PRKRIP1: variants seen among roughly 807,000 people sequenced by gnomAD.
The protein encoded by PRKRIP1 is PRKR-interacting protein 1.
Under a neutral mutation model 29.3 loss-of-function variants are expected in PRKRIP1, and 29 were observed. The ratio of observed to expected loss-of-function variants is 0.99; its 90% confidence interval spans 0.74 to 1.35. The LOEUF is 1.35. Among genes scored for constraint, PRKRIP1 ranks in the 40% most tolerant of loss-of-function variants. The probability of loss-of-function intolerance (pLI) is 0.00; values close to 1 mark genes in which losing one functional copy is unlikely to be tolerated. For missense variants in PRKRIP1, 247 were observed against 236.8 expected (o/e 1.04, Z -0.28); for synonymous variants, 90 against 85.1 (o/e 1.06, Z -0.32).
In PRKRIP1 at chr7:102,396,408, T is replaced by C. The variant is rs782407673; in HGVS notation, c.-4T>C. On this transcript the variant is annotated 5_prime_UTR_variant, in exon 1 of 6. Transcript: ENST00000397912. ...CCGCTCGCTTGTGAAACTGGAAGGC[T>C]GCCATGGCTAGCCCAGCCGCCTCCT... 9 of 1,555,984 alleles carry C rather than the reference T, an allele frequency of 5.8e-6. No individual in the cohort carries two copies. In the Admixed American group the frequency reaches 1.8e-4, roughly 30 times the overall value.
rs1285066991 is a variant in PRKRIP1, at chr7:102,400,788, C to A, written c.306+1140C>A. ...GTAGCTGGGACTATAGGCACAACCC[C>A]CATGCCTGGCTAATTTTTTGTATTT... On this transcript the variant is annotated intron_variant, in intron 3 of 5. Coordinates refer to ENST00000397912, the MANE Select transcript of PRKRIP1 (RefSeq NM_024653.4). Among the ~76,000 whole-genome samples the A allele has an allele frequency of 7.9e-5, 12 of 152,152 alleles. 1 individual carries two copies. The Middle Eastern group carries it at 0.01, about 129-fold the overall frequency.
chr7:102,421,165 C>T (rs1796682078), intron 5 of PRKRIP1, among the ~76,000 whole-genome samples: 2 of 152,168 alleles, frequency 1.3e-5, no homozygotes, highest in African/African-American at 4.8e-5. Flanking sequence ...CCCAGAGAGC[C>T]AAGAATGACT....
At chr7:102,418,046 CTTCTT>C (rs1563622476) in intron 5 of PRKRIP1, among the ~76,000 whole-genome samples, 3 of 20,226 alleles carry the variant, frequency 1.5e-4, no homozygotes, top group East Asian at 2.5e-3. Flanking sequence ...TCTTCTTCTT[CTTCTT>C]TTTTTTTTTT....
intron 2 of PRKRIP1, among the ~76,000 whole-genome samples, chr7:102,398,423 T>C (rs1554570733): frequency 6.6e-6 from 1 of 152,056 alleles, no homozygotes; most frequent in African/African-American, 2.4e-5. Context: ...TAGCTAGGAC[T>C]ACAGGCCCGT....
intron 5 of PRKRIP1, among the ~76,000 whole-genome samples, chr7:102,409,271 T>A (rs1796311172): frequency 6.6e-6 from 1 of 152,176 alleles, no homozygotes. Context: ...TGGTTTTAGG[T>A]TGTTTCTCAC....
intron 2 of PRKRIP1, among the ~76,000 whole-genome samples, chr7:102,398,532 G>A (rs1186964810): frequency 6.6e-6 from 1 of 152,034 alleles, no homozygotes; most frequent in Non-Finnish European, 1.5e-5. Flanking sequence ...TGATCCGCCC[G>A]CCTCAGCCTC....
chr7:102,418,186 A>G (rs782612646), intron 5 of PRKRIP1, among the ~76,000 whole-genome samples: 2 of 151,472 alleles, frequency 1.3e-5, no homozygotes, highest in Non-Finnish European at 2.9e-5. Flanking sequence ...AGTAGCTGGG[A>G]TTATAGGCAC....
chr7:102,425,242 C>G lies in PRKRIP1; in HGVS notation c.*131C>G. The G allele has an allele frequency of 6.6e-7, 1 of 1,512,846 alleles. No individual in the cohort carries two copies. Among genetic ancestry groups the G allele is most frequent in the Non-Finnish European group, 8.8e-7 (1 of 1,135,236 alleles). The allele number at this position is 1,512,846 out of a possible 1,614,324, so 93.7% of individuals were successfully genotyped here. A position where few individuals can be genotyped will look rare whatever the true frequency, so the allele number is the denominator to read the frequency against. The stretch of plus-strand genomic sequence containing the variant: ...GATGGAGAGCAAAGGAGACCCCTCC[C>G]GAGCCGCTCACAGTCCTGTATTTGG... On this transcript the variant is annotated 3_prime_UTR_variant, in exon 6 of 6. Coordinates refer to ENST00000397912, the MANE Select transcript of PRKRIP1 (RefSeq NM_024653.4).
At chr7:102,410,710 T>C (rs1394602853) in intron 5 of PRKRIP1, among the ~76,000 whole-genome samples, 1 of 152,126 alleles carries the variant, frequency 6.6e-6, no homozygotes, top group Non-Finnish European at 1.5e-5. Context: ...TTTTTAGGAT[T>C]TTTGCCAGTG....
Position 102,398,265 on chromosome 7 carries a change from T to G in PRKRIP1, c.205+567T>G, listed in dbSNP as rs572504328. ...AGAATTTTCTCCTGCAGTATTGCGG[T>G]TTTTTTTGTTTTTGTTTTTGTTTTT... is the stretch of plus-strand genomic sequence containing the variant. On this transcript the variant is annotated intron_variant, in intron 2 of 5. Coordinates refer to ENST00000397912, the MANE Select transcript of PRKRIP1 (RefSeq NM_024653.4). Among the ~76,000 whole-genome samples the G allele has an allele frequency of 6.0e-4, 91 of 150,600 alleles. 2 individuals are homozygous for G. The highest frequency in any genetic ancestry group is 3.2e-3 in the Admixed American group (48 of 15,094).
intron 5 of PRKRIP1, among the ~76,000 whole-genome samples, chr7:102,423,858 C>T (rs1563625995): frequency 6.6e-6 from 1 of 152,076 alleles, no homozygotes; most frequent in Admixed American, 6.6e-5. Flanking sequence ...AAATGGAACT[C>T]GCTGTGTTGC....
chr7:102,405,829 A>G (rs145823581), intron 4 of PRKRIP1: 68 of 284,096 alleles, frequency 2.4e-4, no homozygotes, highest in African/African-American at 1.5e-3. Context: ...CAGAATAGGA[A>G]CCATTACAAT....
intron 5 of PRKRIP1, among the ~76,000 whole-genome samples, chr7:102,412,025 C>T (rs1796398985): frequency 6.6e-6 from 1 of 151,930 alleles, no homozygotes; most frequent in Non-Finnish European, 1.5e-5. Context: ...TCGCTGTAAC[C>T]CCTGCCTCCA....
chr7:102,409,456 T>G (rs1284549414), intron 5 of PRKRIP1, among the ~76,000 whole-genome samples: 1 of 151,960 alleles, frequency 6.6e-6, no homozygotes, highest in Non-Finnish European at 1.5e-5. Context: ...AAGGGGTTAT[T>G]GTAGCTTGGA....
intron 2 of PRKRIP1, among the ~76,000 whole-genome samples, chr7:102,398,658 CAT>C (rs1228471715): frequency 6.6e-6 from 1 of 152,082 alleles, no homozygotes; most frequent in Non-Finnish European, 1.5e-5. Flanking sequence ...TTTGTTGGAT[CAT>C]AAATTAACAT....
At chr7:102,406,122 C>T (rs1289155812) in intron 4 of PRKRIP1, among the ~76,000 whole-genome samples, 2 of 152,108 alleles carry the variant, frequency 1.3e-5, no homozygotes, top group Non-Finnish European at 2.9e-5. Context: ...GAATTGGGCC[C>T]CTTCTGTTGA....
At chr7:102,410,431 A>G (rs1247478075) in intron 5 of PRKRIP1, among the ~76,000 whole-genome samples, 2 of 152,182 alleles carry the variant, frequency 1.3e-5, no homozygotes, top group African/African-American at 4.8e-5. Context: ...GCAACTAAAG[A>G]CAAGCCTTGC....
chr7:102,421,101 C>A (rs1796680828), intron 5 of PRKRIP1, among the ~76,000 whole-genome samples: 1 of 152,162 alleles, frequency 6.6e-6, no homozygotes. Context: ...GCCTGCAGAT[C>A]CCCTGTGGGT....
At chr7:102,413,222 G>A (rs991544406) in intron 5 of PRKRIP1, among the ~76,000 whole-genome samples, 7 of 152,132 alleles carry the variant, frequency 4.6e-5, no homozygotes, top group African/African-American at 1.2e-4. Flanking sequence ...CTCCAGACAC[G>A]ACCAGATGCA....
Sources: gnomAD v4.1 joint callset for allele counts (sites outside exome capture counted in the v4.1 genomes callset) on GRCh38, gnomAD v4.1.1 for gene constraint, MANE v1.5 for transcripts, NCBI Gene and HGNC (gene_info 2026-07-23, HGNC 2026-07-21) for gene names.